The following KLHL11 variants were observed in gnomAD, a reference collection of about 807,000 sequenced individuals.
KLHL11 encodes the protein kelch-like protein 11.
In KLHL11, 26 loss-of-function variants were observed where a neutral mutation model predicts 56.1. The observed-to-expected ratio is 0.46, with a 90% confidence interval of 0.34 to 0.64. KLHL11 has a LOEUF of 0.64. Among genes scored for constraint, KLHL11 ranks in the 30% least tolerant of loss-of-function variants. KLHL11 has a pLI of 0.01. For missense variants in KLHL11, 627 were observed against 919.4 expected (o/e 0.68, Z 4.11); for synonymous variants, 338 against 345.8 (o/e 0.98, Z 0.25).
Position 41,856,421 on chromosome 17 carries a change from G to A in KLHL11, c.546-1100C>T, listed in dbSNP as rs576795730. 2.5e-3 allele frequency among the ~76,000 whole-genome samples: 381 copies of A among 152,170 alleles called. 3 individuals are homozygous for A. Among genetic ancestry groups the A allele is most frequent in the African/African-American group, 8.8e-3 (366 of 41,508 alleles). ...CTTCCCAAAGTGTTTGGGATTACAGGTGTGAGCCACCACACCCAGCCTATG... is the reference window on the plus strand; with the variant it reads ...CTTCCCAAAGTGTTTGGGATTACAGATGTGAGCCACCACACCCAGCCTATG... On this transcript the variant is annotated intron_variant, in intron 1 of 1. Coordinates refer to ENST00000319121, the MANE Select transcript of KLHL11 (RefSeq NM_018143.3).
In KLHL11 at chr17:41,862,283, T is replaced by A. The variant is rs183922338; in HGVS notation, c.545+2543A>T. ...TTTGTATTTTTGTATTTATTTATTT[T>A]TTTTTTTGAGATGGAGTCTCACTCT... On this transcript the variant is annotated intron_variant, in intron 1 of 1. Transcript: ENST00000319121. Among the ~76,000 whole-genome samples the A allele has an allele frequency of 3.5e-3, 524 of 151,706 alleles. 1 individual carries two copies. Among genetic ancestry groups the A allele is most frequent in the African/African-American group, 7.2e-3 (298 of 41,328 alleles).
chr17:41,856,489 T>TA (rs1397595228), intron 1 of KLHL11, among the ~76,000 whole-genome samples: 2 of 152,052 alleles, frequency 1.3e-5, no homozygotes, highest in African/African-American at 4.8e-5. Context: ...TGGAAATAGT[T>TA]AGATTAATCT....
chr17:41,859,889 T>G (rs570753144), intron 1 of KLHL11, among the ~76,000 whole-genome samples: 127 of 152,314 alleles, frequency 8.3e-4, no homozygotes, highest in African/African-American at 3.0e-3. Flanking sequence ...AGCCTGAGGA[T>G]AGCCAATTTG....
chr17:41,861,937 T>A (rs2048406036), intron 1 of KLHL11, among the ~76,000 whole-genome samples: 1 of 152,154 alleles, frequency 6.6e-6, no homozygotes. Flanking sequence ...ACGTTTCTGA[T>A]CCTCTTTATA....
At chr17:41,860,828 A>G (rs1208445432) in intron 1 of KLHL11, among the ~76,000 whole-genome samples, 1 of 152,216 alleles carries the variant, frequency 6.6e-6, no homozygotes, top group Non-Finnish European at 1.5e-5. Context: ...CAGTCCAACC[A>G]TTCCAATTTT....
In KLHL11 at chr17:41,853,895, G is replaced by A; in HGVS notation, c.1972C>T (p.His658Tyr). 6.2e-7 allele frequency: 1 copy of A among 1,614,190 alleles called. No individual in the cohort carries two copies. Among genetic ancestry groups the A allele is most frequent in the Non-Finnish European group, 8.5e-7 (1 of 1,180,036 alleles). The change falls in exon 2 of 2, where the codon CAC (histidine) becomes TAC (tyrosine). Residue 658 changes from histidine to tyrosine, a missense_variant. Coordinates refer to ENST00000319121, the MANE Select transcript of KLHL11 (RefSeq NM_018143.3). Reference sequence around the variant, plus strand: ...AAGTACCGGTATGGGATCCTCACGTGACAAGCAGTGGCTCTACAACGAGGT... The same window carrying A: ...AAGTACCGGTATGGGATCCTCACGTAACAAGCAGTGGCTCTACAACGAGGT... ...PQPRCRATACHVRIPYRYLHG... is the reference protein window; with the variant it reads ...PQPRCRATACYVRIPYRYLHG...
At position 41,854,262 on chromosome 17, in the gene KLHL11, T is replaced by C. The variant is rs1555622265; in HGVS notation, c.1605A>G (p.Gln535=). The C allele has an allele frequency of 6.2e-7, 1 of 1,614,128 alleles. No individual in the cohort carries two copies. Among genetic ancestry groups the C allele is most frequent in the Non-Finnish European group, 8.5e-7 (1 of 1,180,058 alleles). The change falls in exon 2 of 2, where the codon CAA becomes CAG. Residue 535 remains glutamine, a synonymous_variant. Coordinates refer to ENST00000319121, the MANE Select transcript of KLHL11 (RefSeq NM_018143.3). This position sits in a 1 kb window ranked among gnomAD's most constrained non-coding sequence, Gnocchi z 4.9. ...TCYDTETRQW[Q]DVESLPLIDN... ...CAATAAGCGGCAAAGATTCCACATC[T>C]TGCCACTGTCGAGTCTCTGTATCAT...
chr17:41,862,944 A>G (rs2048413793), intron 1 of KLHL11, among the ~76,000 whole-genome samples: 1 of 152,094 alleles, frequency 6.6e-6, no homozygotes, highest in African/African-American at 2.4e-5. Flanking sequence ...CCACATCTTA[A>G]TAATTCCATC....
At chr17:41,858,276 G>T (rs1463764823) in intron 1 of KLHL11, among the ~76,000 whole-genome samples, 1 of 146,048 alleles carries the variant, frequency 6.8e-6, no homozygotes, top group Non-Finnish European at 1.5e-5. Context: ...ACCCAGGCTG[G>T]AGTGCAGTGG....
intron 1 of KLHL11, among the ~76,000 whole-genome samples, chr17:41,862,408 G>A (rs1163816775): frequency 4.0e-5 from 6 of 151,348 alleles, no homozygotes; most frequent in African/African-American, 1.5e-4. Context: ...GAGTACCTGG[G>A]ACTACAGGCA....
intron 1 of KLHL11, among the ~76,000 whole-genome samples, chr17:41,860,242 T>A (rs948709853): frequency 2.6e-5 from 4 of 152,154 alleles, no homozygotes; most frequent in Admixed American, 2.0e-4. Context: ...CAAATTCCCT[T>A]AAGTGTCTGG....
rs1327092857 is a variant in KLHL11 at position 41,852,739 on chromosome 17, C to T, written c.*1001G>A. 4.2e-5 allele frequency among the ~76,000 whole-genome samples: 6 copies of T among 142,044 alleles called. No homozygotes were observed. In the Admixed American group the frequency reaches 4.5e-4, roughly 11 times the overall value. 93.2% of individuals were successfully genotyped at this position (142,044 alleles called of 152,430 possible). On this transcript the variant is annotated 3_prime_UTR_variant, in exon 2 of 2. Coordinates refer to ENST00000319121, the MANE Select transcript of KLHL11 (RefSeq NM_018143.3). ...CTGGCAGGCAGAGGTTGCAGTGAGCCGAGATTGCACCACTGCACTCCAGCC... is the reference window on the plus strand; with the variant it reads ...CTGGCAGGCAGAGGTTGCAGTGAGCTGAGATTGCACCACTGCACTCCAGCC...
Position 41,855,226 on chromosome 17 carries a change from A to G in KLHL11, c.641T>C (p.Met214Thr). The G allele has an allele frequency of 6.2e-7, 1 of 1,613,882 alleles. No individual in the cohort carries two copies. ...NCVAIHSLAHMYTLSQLALKA... is the reference protein window; with the variant it reads ...NCVAIHSLAHTYTLSQLALKA... ...CAGAGCAAGTTGGCTCAGGGTGTAC[A>G]TGTGTGCTAAGCTATGAATTGCCAC... Residue 214 changes from methionine to threonine, a missense_variant, in exon 2 of 2, where the codon ATG becomes ACG. Physicochemically the swap from Met to Thr is moderately conservative, Grantham distance 81 (BLOSUM62 -1). Around this residue, in one of 4 missense-constraint regions of KLHL11, gnomAD observed 150 missense variants for 215.7 expected, o/e 0.70. Coordinates refer to ENST00000319121, the MANE Select transcript of KLHL11 (RefSeq NM_018143.3).
At chr17:41,860,998 C>A (rs1375469700) in intron 1 of KLHL11, among the ~76,000 whole-genome samples, 1 of 152,190 alleles carries the variant, frequency 6.6e-6, no homozygotes, top group Non-Finnish European at 1.5e-5. Flanking sequence ...ATGAGGTAAA[C>A]AGCAAGGAAA....
Position 41,852,545 on chromosome 17 carries a change from C to G in KLHL11, c.*1195G>C, listed in dbSNP as rs1308076879. ...GTGGCTCATGCCTGTAATCCCAGCA[C>G]TTTGGGAGGCTGAGGCGGGCGTATC... On this transcript the variant is annotated 3_prime_UTR_variant, in exon 2 of 2. Transcript: ENST00000319121. Among the ~76,000 whole-genome samples the G allele has an allele frequency of 6.6e-6, 1 of 151,926 alleles. No homozygotes were observed. Among genetic ancestry groups the G allele is most frequent in the African/African-American group, 2.4e-5 (1 of 41,382 alleles).
rs1196568148 is a variant in KLHL11, at chr17:41,865,038, G to C, written c.333C>G (p.His111Gln). Residue 111 changes from histidine to glutamine, a missense_variant, in exon 1 of 2, where the codon CAC (histidine) becomes CAG (glutamine). Around this residue, in one of 4 missense-constraint regions of KLHL11, gnomAD observed 150 missense variants for 215.7 expected, o/e 0.70. Transcript: ENST00000319121. ...CGGTGGCGGCAGCCAGTACCGAGCG[G>C]TGGGCCCGGAACTCGCGGCCTCCAG... Reference protein sequence around the residue: ...GGAGGREFRAHRSVLAAATEY... With the variant: ...GGAGGREFRAQRSVLAAATEY... 2 of 1,588,124 alleles carry C rather than the reference G, an allele frequency of 1.3e-6. No homozygotes were observed. Among genetic ancestry groups the C allele is most frequent in the South Asian group, 1.1e-5 (1 of 88,542 alleles).
At chr17:41,858,833 T>G (rs2048384968) in intron 1 of KLHL11, among the ~76,000 whole-genome samples, 1 of 151,976 alleles carries the variant, frequency 6.6e-6, no homozygotes, top group Admixed American at 6.6e-5. Context: ...ATCTGCCCAC[T>G]TTAGTGCTGA....
At chr17:41,862,131 C>T (rs1280728262) in intron 1 of KLHL11, among the ~76,000 whole-genome samples, 1 of 151,868 alleles carries the variant, frequency 6.6e-6, no homozygotes, top group Non-Finnish European at 1.5e-5. Context: ...CTCTGTTGCC[C>T]AGGCTGGGGT....
In KLHL11 at chr17:41,849,675, A is replaced by G. The variant is rs374110167; in HGVS notation, c.*4065T>C. The G allele has an allele frequency of 1.2e-4, 19 of 152,198 alleles. No homozygotes were observed. The highest frequency in any genetic ancestry group is 4.3e-4 in the African/African-American group (18 of 41,468). The allele number at this position is 152,198 out of a possible 1,614,324, so 9.4% of individuals were successfully genotyped here. On this transcript the variant is annotated 3_prime_UTR_variant, in exon 2 of 2. Transcript: ENST00000319121. Reference sequence around the variant, plus strand: ...ATTTTAAGAGTTTTTAGCAAAAAAGATATTTTTGAACTGGCACAGCAAAAG... The same window carrying G: ...ATTTTAAGAGTTTTTAGCAAAAAAGGTATTTTTGAACTGGCACAGCAAAAG...
Sources: gnomAD v4.1 joint callset for allele counts (sites outside exome capture counted in the v4.1 genomes callset) on GRCh38, gnomAD v4.1.1 for gene constraint, gnomAD v4.1.1 regional missense constraint, Gnocchi (gnomAD v3.1) non-coding constraint, MANE v1.5 for transcripts, NCBI Gene and HGNC (gene_info 2026-07-23, HGNC 2026-07-21) for gene names.